The following C12orf42 variants were observed in gnomAD, a reference collection of about 807,000 sequenced individuals.
C12orf42 encodes the protein uncharacterized protein C12orf42.
Under a neutral mutation model 21.6 loss-of-function variants are expected in C12orf42, and 25 were observed. The observed-to-expected ratio is 1.16, with a 90% CI of 0.84 to 1.62. The LOEUF is 1.62. Ranked by LOEUF, C12orf42 falls within the 40% of genes most tolerant of loss-of-function variation. The pLI is 0.00. For missense variants in C12orf42, 483 were observed against 459.3 expected, an observed-to-expected ratio of 1.05 and a Z score of -0.47; for synonymous variants, 174 against 175.0, an observed-to-expected ratio of 0.99 and a Z score of 0.05.
intron 2 of C12orf42, among the ~76,000 whole-genome samples, chr12:103,411,128 T>C (rs142369698): frequency 4.9e-4 from 75 of 152,354 alleles, no homozygotes; most frequent in African/African-American, 1.5e-3. Flanking sequence ...GTCCATGCTG[T>C]AGTGCATTGC....
rs149879890 is a variant in C12orf42 at position 103,476,416 on chromosome 12, C to G, written c.78+1933G>C. Among the ~76,000 whole-genome samples, 222 of 152,298 alleles carry G rather than the reference C, an allele frequency of 1.5e-3. 2 individuals carry two copies. Among genetic ancestry groups the G allele is most frequent in the African/African-American group, 4.9e-3 (204 of 41,574 alleles). Reference sequence around the variant, plus strand: ...CCAAGAGGAAAAGAAACTCTCTCTTCCCATAATGAGTCCAAAAACTGAGAG... The same window carrying G: ...CCAAGAGGAAAAGAAACTCTCTCTTGCCATAATGAGTCCAAAAACTGAGAG... On this transcript the variant is annotated intron_variant, in intron 2 of 5. Transcript: ENST00000548883.
At chr12:103,432,240 A>T (rs1478169651) in intron 2 of C12orf42, among the ~76,000 whole-genome samples, 1 of 152,112 alleles carries the variant, frequency 6.6e-6, no homozygotes, top group East Asian at 1.9e-4. Flanking sequence ...AACCCCACTT[A>T]CCCAGCTCCT....
At chr12:103,368,447 A>G (rs79354892) in intron 4 of C12orf42, among the ~76,000 whole-genome samples, 5,137 of 152,072 alleles carry the variant, frequency 0.034, 261 homozygotes, top group African/African-American at 0.12. Flanking sequence ...CCAGCTACCT[A>G]GATTCCAGGG....
chr12:103,458,493 T>C (rs1483489473), intron 2 of C12orf42, among the ~76,000 whole-genome samples: 1 of 152,166 alleles, frequency 6.6e-6, no homozygotes, highest in East Asian at 1.9e-4. Flanking sequence ...ACTTACTGTC[T>C]CTGCATCGCA....
At chr12:103,287,005 T>C (rs1308927098) in intron 4 of C12orf42, among the ~76,000 whole-genome samples, 1 of 150,694 alleles carries the variant, frequency 6.6e-6, no homozygotes, top group Non-Finnish European at 1.5e-5. Context: ...CACAATGAGA[T>C]ACCATCTCAC....
chr12:103,487,110 C>T (rs932252264), intron 1 of C12orf42, among the ~76,000 whole-genome samples: 4 of 152,216 alleles, frequency 2.6e-5, no homozygotes, highest in African/African-American at 7.2e-5. Context: ...AAATTTCCCT[C>T]TACACACTGC....
chr12:103,492,711 A>ATGCCACATCAT (rs1483148099), intron 1 of C12orf42, among the ~76,000 whole-genome samples: 1 of 152,130 alleles, frequency 6.6e-6, no homozygotes, highest in Non-Finnish European at 1.5e-5. Context: ...CATAGATCCC[A>ATGCCACATCAT]AGAAGCTTAG....
At chr12:103,274,934 A>G (rs1245094061) in intron 5 of C12orf42, among the ~76,000 whole-genome samples, 2 of 152,030 alleles carry the variant, frequency 1.3e-5, no homozygotes, top group African/African-American at 4.8e-5. Flanking sequence ...TGATATCTTC[A>G]CTGCTTGGTT....
chr12:103,119,111 G>C, the C12orf42 span, among the ~76,000 whole-genome samples: 1 of 152,178 alleles, frequency 6.6e-6, no homozygotes, highest in Non-Finnish European at 1.5e-5. Context: ...ACACTGGAGG[G>C]AGCAGTATAG....
chr12:103,136,984 G>A, the C12orf42 span, among the ~76,000 whole-genome samples: 126 of 151,936 alleles, frequency 8.3e-4, no homozygotes, highest in African/African-American at 2.9e-3. Flanking sequence ...CAAAGATGAG[G>A]GCCTCAAGAG....
At chr12:103,355,330 T>C (rs573686133) in intron 4 of C12orf42, among the ~76,000 whole-genome samples, 1 of 152,256 alleles carries the variant, frequency 6.6e-6, no homozygotes, top group South Asian at 2.1e-4. Context: ...TGTTTGCACA[T>C]ACATGCATAC....
the C12orf42 span, among the ~76,000 whole-genome samples, chr12:103,538,296 A>G: frequency 6.6e-6 from 1 of 152,246 alleles, no homozygotes; most frequent in African/African-American, 2.4e-5. Flanking sequence ...TGAAGAGGTA[A>G]AAGATTTGCT....
At chr12:103,550,111 GAA>G in the C12orf42 span, among the ~76,000 whole-genome samples, 3 of 151,908 alleles carry the variant, frequency 2.0e-5, no homozygotes, top group Admixed American at 6.6e-5. Flanking sequence ...CAAAGATAAT[GAA>G]AAATATAAAA....
intron 1 of C12orf42, among the ~76,000 whole-genome samples, chr12:103,483,646 T>C (rs1265089883): frequency 6.6e-6 from 1 of 152,160 alleles, no homozygotes; most frequent in Non-Finnish European, 1.5e-5. Flanking sequence ...TTTATGTTTT[T>C]TTTATTTTTC....
At chr12:103,151,528 T>C in the C12orf42 span, among the ~76,000 whole-genome samples, 1 of 152,180 alleles carries the variant, frequency 6.6e-6, no homozygotes, top group African/African-American at 2.4e-5. Context: ...AGTTCAAGTA[T>C]GGTAAAATGT....
chr12:103,295,677 TA>T (rs1286284359), intron 4 of C12orf42, among the ~76,000 whole-genome samples: 1 of 152,180 alleles, frequency 6.6e-6, no homozygotes, highest in African/African-American at 2.4e-5. Flanking sequence ...GTTAGATCTA[TA>T]ACCTCTTATA....
the C12orf42 span, among the ~76,000 whole-genome samples, chr12:103,138,563 C>T: frequency 6.6e-6 from 1 of 152,160 alleles, no homozygotes; most frequent in Non-Finnish European, 1.5e-5. Flanking sequence ...ATAACCCAGT[C>T]TCAGGTAGTT....
At chr12:103,104,380 G>C in the C12orf42 span, among the ~76,000 whole-genome samples, 1 of 152,204 alleles carries the variant, frequency 6.6e-6, no homozygotes, top group Admixed American at 6.5e-5. Flanking sequence ...TCCAGGGGAT[G>C]TCAGATTTGG....
intron 10 of C12orf42, among the ~76,000 whole-genome samples, chr12:103,247,444 A>G (rs1277566091): frequency 1.3e-5 from 2 of 152,080 alleles, no homozygotes; most frequent in Non-Finnish European, 2.9e-5. Context: ...GATATTGTCT[A>G]TGACATCAAT....
Sources: gnomAD v4.1 joint callset for allele counts (sites outside exome capture counted in the v4.1 genomes callset) on GRCh38, gnomAD v4.1.1 for gene constraint, MANE v1.5 for transcripts, NCBI Gene and HGNC (gene_info 2026-07-23, HGNC 2026-07-21) for gene names.